CEP57L1: variants seen among roughly 807,000 people sequenced by gnomAD.
The protein encoded by CEP57L1 is centrosomal protein CEP57L1.
In CEP57L1, 37 loss-of-function variants were observed where a neutral mutation model predicts 61.0. That is an observed-to-expected ratio of 0.61 (90% confidence interval 0.47 to 0.80). CEP57L1 has a LOEUF of 0.80. Among genes scored for constraint, CEP57L1 ranks in the 30% least tolerant of loss-of-function variants. CEP57L1 has a pLI of 0.00. For missense variants in CEP57L1, 422 were observed against 524.7 expected, an observed-to-expected ratio of 0.80 and a Z score of 1.91; for synonymous variants, 137 against 162.3, an observed-to-expected ratio of 0.84 and a Z score of 1.19.
At chr6:109,138,332 G>C (rs2114814838) in intron 1 of CEP57L1, among the ~76,000 whole-genome samples, 2 of 152,264 alleles carry the variant, frequency 1.3e-5, no homozygotes, top group East Asian at 3.9e-4. Context: ...AATAATCTAG[G>C]ATGGTAGCAT....
rs1478859981 is a variant in CEP57L1, at chr6:109,163,215, T to G, written c.*245T>G. The stretch of plus-strand genomic sequence containing the variant: ...ACCTCATCTTGTCTTAGAAACATTG[T>G]TGGCTTTGCAGATATCTTAAGCTAA... On this transcript the variant is annotated 3_prime_UTR_variant, in exon 11 of 11. Coordinates refer to ENST00000517392, the MANE Select transcript of CEP57L1 (RefSeq NM_001271852.3). The G allele has an allele frequency of 5.8e-6, 2 of 344,914 alleles. No homozygotes were observed. The highest frequency in any genetic ancestry group is 2.1e-5 in the African/African-American group (1 of 46,704). 21.4% of individuals were successfully genotyped at this position (344,914 alleles called of 1,614,324 possible).
At chr6:109,113,344 T>C (rs559187389) in intron 1 of CEP57L1, among the ~76,000 whole-genome samples, 2 of 152,302 alleles carry the variant, frequency 1.3e-5, no homozygotes, top group South Asian at 4.1e-4. Flanking sequence ...AAAATTTTTG[T>C]GTTCATTTAC....
At chr6:109,101,541 C>G (rs1782397702) in intron 1 of CEP57L1, among the ~76,000 whole-genome samples, 1 of 151,888 alleles carries the variant, frequency 6.6e-6, no homozygotes, top group South Asian at 2.1e-4. Flanking sequence ...TTTAACTCAT[C>G]TAGGAATATG....
At chr6:109,155,950 C>A in intron 7 of CEP57L1, 73 bp downstream of exon 7, 2 of 651,418 alleles carry the variant, frequency 3.1e-6, no homozygotes, top group Non-Finnish European at 5.2e-6. Flanking sequence ...AATCCTTATA[C>A]CTACCCCTTT....
chr6:109,124,836 C>T (rs1369284481), intron 1 of CEP57L1, among the ~76,000 whole-genome samples: 2 of 152,058 alleles, frequency 1.3e-5, no homozygotes, highest in African/African-American at 4.8e-5. Context: ...AATGCCCAGA[C>T]TCTGGGTCAG....
chr6:109,129,560 A>C, intron 1 of CEP57L1: 1 of 454,654 alleles, frequency 2.2e-6, no homozygotes, highest in Non-Finnish European at 4.4e-6. Context: ...TTCTACATTA[A>C]ATTTTCAACC....
intron 4 of CEP57L1, among the ~76,000 whole-genome samples, chr6:109,151,141 A>G (rs1258137641): frequency 6.6e-6 from 1 of 152,224 alleles, no homozygotes; most frequent in Non-Finnish European, 1.5e-5. Context: ...AGTAGTTTAA[A>G]GTGTTCTAAT....
chr6:109,149,060 T>C (rs1042801629), intron 3 of CEP57L1, among the ~76,000 whole-genome samples: 1 of 152,204 alleles, frequency 6.6e-6, no homozygotes, highest in African/African-American at 2.4e-5. Flanking sequence ...TTTCTCCCAT[T>C]CTGTAGGTTG....
intron 1 of CEP57L1, among the ~76,000 whole-genome samples, chr6:109,101,624 T>C (rs1470301044): frequency 3.1e-5 from 4 of 129,144 alleles, no homozygotes; most frequent in African/African-American, 1.2e-4. Context: ...TTCTTTTTTC[T>C]TTTTTTTTTT....
Position 109,163,118 on chromosome 6 carries a change from G to T in CEP57L1, c.*148G>T. ...GAAGTTGCAGTATTTAAAAATTAAT[G>T]CCTAATGACCTGGTGGGTTCCAAAT... On this transcript the variant is annotated 3_prime_UTR_variant, in exon 11 of 11. Coordinates refer to ENST00000517392, the MANE Select transcript of CEP57L1 (RefSeq NM_001271852.3). The T allele has an allele frequency of 1.7e-6, 1 of 603,682 alleles. No homozygotes were observed. The highest frequency in any genetic ancestry group is 3.2e-5 in the Admixed American group (1 of 31,222). 37.4% of individuals were successfully genotyped at this position (603,682 alleles called of 1,614,324 possible). A position where few individuals can be genotyped will look rare whatever the true frequency, so the allele number is the denominator to read the frequency against.
chr6:109,156,047 A>C (rs969334151), intron 7 of CEP57L1, 170 bp downstream of exon 7: 2 of 439,928 alleles, frequency 4.5e-6, no homozygotes, highest in Non-Finnish European at 4.1e-6. Flanking sequence ...AAGGACAGAA[A>C]ATTTCATAAG....
rs1773955627 is a variant in CEP57L1 at position 109,164,352 on chromosome 6, A to C, written c.*1382A>C. 6.6e-6 allele frequency among the ~76,000 whole-genome samples: 1 copy of C among 152,216 alleles called. No individual in the cohort carries two copies. Among genetic ancestry groups the C allele is most frequent in the South Asian group, 2.1e-4 (1 of 4,828 alleles). Reference sequence around the variant, plus strand: ...GAGATACCATGTTAGAATACCTTCCATACCTGGAAGTGGGGAAGTGACTGA... The same window carrying C: ...GAGATACCATGTTAGAATACCTTCCCTACCTGGAAGTGGGGAAGTGACTGA... On this transcript the variant is annotated 3_prime_UTR_variant, in exon 11 of 11. Coordinates refer to ENST00000517392, the MANE Select transcript of CEP57L1 (RefSeq NM_001271852.3).
chr6:109,155,325 T>A lies in CEP57L1; in HGVS notation c.657+18T>A. ...CTTCTGAGGTAAATATAGCACTATA[T>A]AATCTATCACAGTAAACCATATATG... On this transcript the variant is annotated intron_variant, in intron 6 of 10. Coordinates refer to ENST00000517392, the MANE Select transcript of CEP57L1 (RefSeq NM_001271852.3). 1 of 1,348,588 alleles carries A rather than the reference T, an allele frequency of 7.4e-7. No individual in the cohort carries two copies. Among genetic ancestry groups the A allele is most frequent in the Non-Finnish European group, 1.0e-6 (1 of 972,666 alleles). 83.5% of individuals were successfully genotyped at this position (1,348,588 alleles called of 1,614,324 possible).
In CEP57L1 at chr6:109,129,331, A is replaced by G. The variant is rs78647907; in HGVS notation, c.-3-15888A>G. The stretch of plus-strand genomic sequence containing the variant: ...AATGGATCCTCACTTCTTCACTTGG[A>G]TATAATAATATAGACTGCCGACATT... On this transcript the variant is annotated intron_variant, in intron 1 of 10. Transcript: ENST00000517392. 1,951 of 1,122,588 alleles carry G rather than the reference A, an allele frequency of 1.7e-3. 34 individuals are homozygous for G. The African/African-American group carries it at 0.029, about 17-fold the overall frequency. 69.5% of individuals were successfully genotyped at this position (1,122,588 alleles called of 1,614,324 possible).
intron 1 of CEP57L1, among the ~76,000 whole-genome samples, chr6:109,117,693 G>A (rs1194464364): frequency 1.3e-5 from 2 of 152,174 alleles, no homozygotes; most frequent in African/African-American, 4.8e-5. Flanking sequence ...GAAATGGAAA[G>A]GAATTAGGAA....
intron 4 of CEP57L1, among the ~76,000 whole-genome samples, chr6:109,150,525 G>C (rs1772490496): frequency 6.6e-6 from 1 of 152,074 alleles, no homozygotes; most frequent in Non-Finnish European, 1.5e-5. Context: ...AGCCGGGCTT[G>C]GTGGCAGGCA....
chr6:109,134,329 A>T (rs1195924082), intron 1 of CEP57L1, among the ~76,000 whole-genome samples: 1 of 152,220 alleles, frequency 6.6e-6, no homozygotes, highest in Non-Finnish European at 1.5e-5. Flanking sequence ...TTATCTCAAT[A>T]GCTGCAGAAA....
intron 1 of CEP57L1, among the ~76,000 whole-genome samples, chr6:109,135,597 C>G (rs555781879): frequency 1.3e-5 from 2 of 152,208 alleles, no homozygotes; most frequent in Admixed American, 1.3e-4. Context: ...TTCTGCCCAG[C>G]AAAAGAAACT....
intron 1 of CEP57L1, among the ~76,000 whole-genome samples, chr6:109,121,357 C>T (rs567564696): frequency 1.3e-5 from 2 of 152,198 alleles, no homozygotes; most frequent in East Asian, 3.9e-4. Context: ...TTGTACTACT[C>T]TTGGAATAGA....
Sources: gnomAD v4.1 joint callset for allele counts (sites outside exome capture counted in the v4.1 genomes callset) on GRCh38, gnomAD v4.1.1 for gene constraint, MANE v1.5 for transcripts, NCBI Gene and HGNC (gene_info 2026-07-23, HGNC 2026-07-21) for gene names.